The following RPS6KC1 variants were observed in gnomAD, a reference collection of about 807,000 sequenced individuals.
RPS6KC1 encodes inactive ribosomal protein S6 kinase delta-1.
Under a neutral mutation model 103.8 loss-of-function variants are expected in RPS6KC1, and 54 were observed. That is an observed-to-expected ratio of 0.52 (90% CI 0.42 to 0.65). The LOEUF (loss-of-function observed/expected upper bound fraction) is 0.65. Among genes scored for constraint, RPS6KC1 ranks in the 30% least tolerant of loss-of-function variants. The probability of loss-of-function intolerance (pLI) is 0.00; values close to 1 mark genes in which losing one functional copy is unlikely to be tolerated. For missense variants in RPS6KC1, 1,151 were observed against 1,253.8 expected (o/e 0.92, Z 1.24); for synonymous variants, 439 against 438.7 (o/e 1.00, Z -0.01).
intron 12 of RPS6KC1, among the ~76,000 whole-genome samples, chr1:213,256,746 T>G (rs987901713): frequency 1.8e-4 from 28 of 152,148 alleles, no homozygotes; most frequent in African/African-American, 6.0e-4. Flanking sequence ...CATTGGTCAT[T>G]ATTTACCTGT....
chr1:213,729,956 G>C, the RPS6KC1 span, among the ~76,000 whole-genome samples: 2 of 152,110 alleles, frequency 1.3e-5, no homozygotes, highest in Admixed American at 6.5e-5. Context: ...CCCAGTGTCT[G>C]TTGTTCCCCT....
At chr1:213,134,313 T>G (rs890370941) in intron 6 of RPS6KC1, among the ~76,000 whole-genome samples, 1 of 152,006 alleles carries the variant, frequency 6.6e-6, no homozygotes, top group Non-Finnish European at 1.5e-5. Flanking sequence ...ACTCTTTTTC[T>G]TTTCTTCCTC....
chr1:213,364,497 G>T, the RPS6KC1 span, among the ~76,000 whole-genome samples: 1 of 152,206 alleles, frequency 6.6e-6, no homozygotes, highest in Non-Finnish European at 1.5e-5. Flanking sequence ...TTCACAACCT[G>T]TGGTGATCCC....
chr1:213,544,156 T>A, the RPS6KC1 span, among the ~76,000 whole-genome samples: 1 of 151,830 alleles, frequency 6.6e-6, no homozygotes, highest in Non-Finnish European at 1.5e-5. Flanking sequence ...ACATATCACA[T>A]AAGGTTAAGT....
the RPS6KC1 span, among the ~76,000 whole-genome samples, chr1:213,766,538 C>A: frequency 6.6e-6 from 1 of 152,294 alleles, no homozygotes; most frequent in Non-Finnish European, 1.5e-5. Flanking sequence ...GACATAAGTT[C>A]CCACATAGGA....
chr1:213,487,043 G>T, the RPS6KC1 span, among the ~76,000 whole-genome samples: 3 of 152,076 alleles, frequency 2.0e-5, no homozygotes, highest in Non-Finnish European at 4.4e-5. Context: ...CATCTTTTGG[G>T]CCCATCTACT....
At chr1:213,261,478 T>G in intron 12 of RPS6KC1, 80 bp from the exon 13 acceptor site, 1 of 1,267,348 alleles carries the variant, frequency 7.9e-7, no homozygotes, top group Non-Finnish European at 1.1e-6. Flanking sequence ...ATTAAAAAGG[T>G]CACCTTGCTA....
At chr1:213,686,026 A>G in the RPS6KC1 span, among the ~76,000 whole-genome samples, 1 of 152,096 alleles carries the variant, frequency 6.6e-6, no homozygotes, top group Non-Finnish European at 1.5e-5. Flanking sequence ...TGGTGGCTTG[A>G]GCACCATCTT....
chr1:213,091,350 G>T (rs552705474), intron 3 of RPS6KC1, among the ~76,000 whole-genome samples: 1 of 152,036 alleles, frequency 6.6e-6, no homozygotes, highest in East Asian at 1.9e-4. Context: ...GTGAGCCACC[G>T]CGCCCGGCCT....
intron 8 of RPS6KC1, among the ~76,000 whole-genome samples, chr1:213,230,255 T>G (rs1046872699): frequency 1.3e-5 from 2 of 152,190 alleles, no homozygotes; most frequent in African/African-American, 4.8e-5. Flanking sequence ...TAAAATACTT[T>G]AGGAAACAGT....
At chr1:213,284,110 T>C in the RPS6KC1 span, among the ~76,000 whole-genome samples, 2 of 152,096 alleles carry the variant, frequency 1.3e-5, no homozygotes, top group East Asian at 3.9e-4. Flanking sequence ...TTAAAAAGTA[T>C]AGAAGACATG....
the RPS6KC1 span, among the ~76,000 whole-genome samples, chr1:213,537,952 G>A: frequency 6.6e-6 from 1 of 152,114 alleles, no homozygotes; most frequent in South Asian, 2.1e-4. Context: ...AATAAGGCAG[G>A]GACCTCATTG....
chr1:213,829,419 T>C, the RPS6KC1 span, among the ~76,000 whole-genome samples: 1 of 152,196 alleles, frequency 6.6e-6, no homozygotes, highest in Non-Finnish European at 1.5e-5. Context: ...TTTACTTTTA[T>C]GTGTTAGTAA....
intron 6 of RPS6KC1, among the ~76,000 whole-genome samples, chr1:213,131,633 G>A (rs1011922697): frequency 1.3e-5 from 2 of 151,978 alleles, no homozygotes; most frequent in Admixed American, 6.6e-5. Flanking sequence ...TAGCAGAAAC[G>A]GGGTTTCACC....
Position 213,152,724 on chromosome 1 carries a change from C to T in RPS6KC1, c.836-15134C>T, listed in dbSNP as rs543270189. ...GCTCCTCACTTCCTAGGTGGGATGGCGGCCGGGCGGAGACGCTCCTCACTT... is the reference window on the plus strand; with the variant it reads ...GCTCCTCACTTCCTAGGTGGGATGGTGGCCGGGCGGAGACGCTCCTCACTT... On this transcript the variant is annotated intron_variant, in intron 6 of 14. Transcript: ENST00000366960. Among the ~76,000 whole-genome samples the T allele has an allele frequency of 7.3e-3, 1,106 of 151,840 alleles. 3 individuals carry two copies. The highest frequency in any genetic ancestry group is 0.025 in the African/African-American group (1,042 of 41,342).
intron 8 of RPS6KC1, among the ~76,000 whole-genome samples, chr1:213,215,844 C>T (rs893552337): frequency 1.2e-4 from 18 of 152,100 alleles, no homozygotes; most frequent in Non-Finnish European, 1.8e-4. Flanking sequence ...ATTTTGTCAC[C>T]ACCAGGCCTG....
chr1:213,262,897 T>C (rs895905040), intron 14 of RPS6KC1, 81 bp downstream of exon 14: 9 of 860,980 alleles, frequency 1.0e-5, no homozygotes, highest in South Asian at 4.1e-5. Context: ...TAAAAAGAGA[T>C]TAGTTTGGAG....
intron 5 of RPS6KC1, among the ~76,000 whole-genome samples, chr1:213,120,609 C>G (rs2084271271): frequency 6.6e-6 from 1 of 151,968 alleles, no homozygotes; most frequent in African/African-American, 2.4e-5. Context: ...GTGACAAATG[C>G]TTGTGTTTTG....
intron 8 of RPS6KC1, among the ~76,000 whole-genome samples, chr1:213,214,326 G>T (rs541754076): frequency 1.3e-5 from 2 of 152,388 alleles, no homozygotes. Flanking sequence ...GCGAGGCTGG[G>T]GAAGGGGTGC....
Sources: gnomAD v4.1 joint callset for allele counts (sites outside exome capture counted in the v4.1 genomes callset) on GRCh38, gnomAD v4.1.1 for gene constraint, MANE v1.5 for transcripts, NCBI Gene and HGNC (gene_info 2026-07-23, HGNC 2026-07-21) for gene names.